L3MBTL4: variants seen among roughly 807,000 people sequenced by gnomAD.
The protein encoded by L3MBTL4 is lethal(3)malignant brain tumor-like protein 4.
Under a neutral mutation model 84.5 loss-of-function variants are expected in L3MBTL4, and 70 were observed. The ratio of observed to expected loss-of-function variants is 0.83; its 90% CI spans 0.68 to 1.01. The LOEUF (loss-of-function observed/expected upper bound fraction) is 1.01, where lower values mean the gene tolerates loss of function less well. Among genes scored for constraint, L3MBTL4 ranks in the 50% least tolerant of loss-of-function variants. The probability of loss-of-function intolerance (pLI) is 0.00; values close to 1 mark genes in which losing one functional copy is unlikely to be tolerated. For missense variants in L3MBTL4, 715 were observed against 754.8 expected (o/e 0.95, Z 0.62); for synonymous variants, 274 against 259.8 (o/e 1.05, Z -0.52).
chr18:6,137,403 G>A (rs1463732086), intron 14 of L3MBTL4, among the ~76,000 whole-genome samples: 1 of 152,144 alleles, frequency 6.6e-6, no homozygotes, highest in East Asian at 1.9e-4. Context: ...TAGTTTCCAG[G>A]ATTGCCTGAT....
Position 5,969,551 on chromosome 18 carries a change from C to G in L3MBTL4, c.1456G>C (p.Glu486Gln). The G allele has an allele frequency of 1.2e-6, 2 of 1,604,448 alleles. No homozygotes were observed. Among genetic ancestry groups the G allele is most frequent in the South Asian group, 2.2e-5 (2 of 89,120 alleles). Residue 486 changes from glutamate (E) to glutamine (Q), a missense_variant, in exon 17 of 19, where the codon GAG becomes CAG. Transcript: ENST00000317931. ...TGGTGAAGCACCTGCTGCGCCTGCT[C>G]CACCGAGTATTCTGTAAGAGAGGTG... ...LDNLFREYSV[E>Q]QAQQVLHQSV... is the part of the protein sequence containing the mutation.
intron 16 of L3MBTL4, among the ~76,000 whole-genome samples, chr18:6,071,448 G>A (rs1598636411): frequency 6.7e-6 from 1 of 149,232 alleles, no homozygotes; most frequent in African/African-American, 2.5e-5. Context: ...AATAACATTA[G>A]ATAGAAATGT....
At chr18:6,202,129 A>T (rs1416306146) in intron 12 of L3MBTL4, among the ~76,000 whole-genome samples, 1 of 151,924 alleles carries the variant, frequency 6.6e-6, no homozygotes, top group Non-Finnish European at 1.5e-5. Context: ...CTGTTTCTGT[A>T]CCTCCCTTCC....
In L3MBTL4 at chr18:6,270,620, GA is replaced by G. The variant is rs543890773; in HGVS notation, c.128-6583del. Among the ~76,000 whole-genome samples the G allele has an allele frequency of 7.2e-5, 11 of 152,310 alleles. No homozygotes were observed. In the South Asian group the frequency reaches 1.0e-3, roughly 14 times the overall value. On this transcript the variant is annotated intron_variant, in intron 4 of 18. Transcript: ENST00000317931. ...AGGACAATTCTCTTTGAGACGAAGA[GA>G]AATTTGGCAAGCAATCCAGGGAGAA...
chr18:6,405,338 C>A (rs961470063), intron 1 of L3MBTL4, among the ~76,000 whole-genome samples: 4 of 152,150 alleles, frequency 2.6e-5, no homozygotes, highest in Admixed American at 1.3e-4. Context: ...CTGGAGGGAG[C>A]GCAATGCGAT....
intron 16 of L3MBTL4, among the ~76,000 whole-genome samples, chr18:6,017,404 C>T (rs1567987622): frequency 6.6e-6 from 1 of 152,210 alleles, no homozygotes; most frequent in African/African-American, 2.4e-5. Flanking sequence ...CACAGAGCAG[C>T]AGCTGTGGAA....
rs192090083 is a variant in L3MBTL4, at chr18:6,144,113, G to A, written c.1097-5817C>T. Reference sequence around the variant, plus strand: ...GGAGAGGCTGAGGCAAGAGAATGGCGTGAACCTGGAAGGTGGAGCTTGCAG... The same window carrying A: ...GGAGAGGCTGAGGCAAGAGAATGGCATGAACCTGGAAGGTGGAGCTTGCAG... On this transcript the variant is annotated intron_variant, in intron 13 of 18. Coordinates refer to ENST00000317931, the MANE Select transcript of L3MBTL4 (RefSeq NM_001330559.2). Among the ~76,000 whole-genome samples the A allele has an allele frequency of 1.2e-3, 180 of 147,702 alleles. 1 individual carries two copies. Among genetic ancestry groups the A allele is most frequent in the South Asian group, 7.2e-3 (33 of 4,580 alleles).
At chr18:6,117,443 A>G (rs1568148849) in intron 14 of L3MBTL4, among the ~76,000 whole-genome samples, 1 of 152,208 alleles carries the variant, frequency 6.6e-6, no homozygotes, top group South Asian at 2.1e-4. Context: ...GAGCAGAGCC[A>G]CAGAACACGG....
At chr18:6,280,782 T>C (rs1599463868) in intron 4 of L3MBTL4, among the ~76,000 whole-genome samples, 1 of 152,126 alleles carries the variant, frequency 6.6e-6, no homozygotes. Flanking sequence ...GAGGAAAAAG[T>C]GACCACAACA....
chr18:6,172,563 AT>A (rs2044028453), intron 12 of L3MBTL4, among the ~76,000 whole-genome samples: 1 of 152,276 alleles, frequency 6.6e-6, no homozygotes, highest in East Asian at 1.9e-4. Flanking sequence ...AGATCCAGCC[AT>A]CCCCAGGTCC....
intron 10 of L3MBTL4, among the ~76,000 whole-genome samples, chr18:6,223,992 A>C (rs1364178761): frequency 6.6e-6 from 1 of 152,210 alleles, no homozygotes; most frequent in Non-Finnish European, 1.5e-5. Context: ...AGGGATTAGC[A>C]TCAGTTACCA....
intron 16 of L3MBTL4, among the ~76,000 whole-genome samples, chr18:5,991,986 GCATCCATCCATCCATC>G (rs35529758): frequency 2.0e-5 from 3 of 148,976 alleles, no homozygotes; most frequent in South Asian, 2.2e-4. Flanking sequence ...TCCATCCAGT[GCATCCATCCATCCATC>G]CATCCATCCA....
intron 16 of L3MBTL4, chr18:6,032,314 T>C: frequency 1.0e-6 from 1 of 983,916 alleles, no homozygotes; most frequent in African/African-American, 1.8e-5. Flanking sequence ...TAACAACAAG[T>C]TACGTGCAAA....
intron 16 of L3MBTL4, among the ~76,000 whole-genome samples, chr18:5,980,152 A>G (rs2053142907): frequency 6.6e-6 from 1 of 152,228 alleles, no homozygotes; most frequent in Admixed American, 6.5e-5. Context: ...TAGAAAAGTC[A>G]GTCTGCGTTG....
At chr18:6,115,849 C>G (rs2059340839) in intron 14 of L3MBTL4, among the ~76,000 whole-genome samples, 1 of 152,208 alleles carries the variant, frequency 6.6e-6, no homozygotes, top group African/African-American at 2.4e-5. Context: ...ACCTCAGTAT[C>G]TGGGCTCCAC....
chr18:5,959,494 C>T (rs1323495581), intron 18 of L3MBTL4, among the ~76,000 whole-genome samples: 2 of 152,236 alleles, frequency 1.3e-5, no homozygotes, highest in East Asian at 1.9e-4. Context: ...GATACTAATT[C>T]CAGGAAATAT....
At chr18:6,123,778 T>C (rs549080328) in intron 14 of L3MBTL4, among the ~76,000 whole-genome samples, 4 of 152,236 alleles carry the variant, frequency 2.6e-5, no homozygotes, top group Non-Finnish European at 4.4e-5. Flanking sequence ...TGTGAATTTG[T>C]CCTTTGTCCT....
intron 16 of L3MBTL4, among the ~76,000 whole-genome samples, chr18:5,994,355 C>A (rs1321191427): frequency 1.3e-5 from 2 of 152,124 alleles, no homozygotes; most frequent in East Asian, 1.9e-4. Flanking sequence ...AGCAGGTGCT[C>A]AAAAAAGACC....
chr18:6,171,919 A>G lies in L3MBTL4; in HGVS notation c.1005T>C (p.His335=). The G allele has an allele frequency of 6.4e-7, 1 of 1,553,632 alleles. No individual in the cohort carries two copies. The highest frequency in any genetic ancestry group is 8.7e-7 in the Non-Finnish European group (1 of 1,146,758). Reference sequence around the variant, plus strand: ...CTGCCTCCACCCAGTAGTCATACTTATGGTCCCAACCATCAAAATGAACCT... The same window carrying G: ...CTGCCTCCACCCAGTAGTCATACTTGTGGTCCCAACCATCAAAATGAACCT... ...RVKVHFDGWD[H]KYDYWVEADS... is the part of the protein sequence containing the mutation. The change falls in exon 13 of 19, where the codon CAT becomes CAC. Residue 335 remains histidine (H), a synonymous_variant. Transcript: ENST00000317931.
Sources: gnomAD v4.1 joint callset for allele counts (sites outside exome capture counted in the v4.1 genomes callset) on GRCh38, gnomAD v4.1.1 for gene constraint, MANE v1.5 for transcripts, NCBI Gene and HGNC (gene_info 2026-07-23, HGNC 2026-07-21) for gene names.